Variants in ACTC1 observed in about 807,000 individuals in gnomAD.
ACTC1 encodes the protein actin alpha cardiac muscle 1.
A neutral mutation model predicts 31.6 loss-of-function variants in ACTC1; 10 were observed. The ratio of observed to expected loss-of-function variants is 0.32; its 90% confidence interval spans 0.19 to 0.54. ACTC1 has a LOEUF of 0.54. ACTC1 is among the 20% of genes least tolerant of loss of function. ACTC1 has a pLI of 0.95. For synonymous variants in ACTC1, 196 were observed against 185.0 expected (o/e 1.06, Z -0.48); for missense variants, 129 against 506.4 (o/e 0.25, Z 7.15).
Position 34,792,777 on chromosome 15 carries a change from T to C in ACTC1, c.455-208A>G, listed in dbSNP as rs1293084336. 1 of 605,872 alleles carries C rather than the reference T, an allele frequency of 1.7e-6. No individual in the cohort carries two copies. The highest frequency in any genetic ancestry group is 2.9e-6 in the Non-Finnish European group (1 of 346,836). The allele number at this position is 605,872 out of a possible 1,614,324, so 37.5% of individuals were successfully genotyped here. On this transcript the variant is annotated intron_variant, in intron 3 of 6. Transcript: ENST00000290378. The surrounding 1 kb of genome is among the most constrained non-coding windows in gnomAD (Gnocchi z 5.3). ...AAACTGCAGCTCATCTTTTTAACTA[T>C]TATAGTAGAAAAAATTCCCGAGGAC...
chr15:34,795,126 C>T (rs1301628483), intron 1 of ACTC1, among the ~76,000 whole-genome samples: 1 of 152,038 alleles, frequency 6.6e-6, no homozygotes, highest in East Asian at 1.9e-4. Context: ...TTAGTCCTCC[C>T]CAGCCCTTTA....
At chr15:34,794,490 G>A (rs967659264) in intron 2 of ACTC1, among the ~76,000 whole-genome samples, 190 bp downstream of exon 2, 1 of 152,206 alleles carries the variant, frequency 6.6e-6, no homozygotes, top group South Asian at 2.1e-4. Flanking sequence ...GTGCCACTCA[G>A]GTGTACATTC....
rs762048029 is a variant in ACTC1 at position 34,793,589 on chromosome 15, G to A, written c.130-20C>T. On this transcript the variant is annotated intron_variant, in intron 2 of 6. Transcript: ENST00000290378. The surrounding 1 kb of genome is among the most constrained non-coding windows in gnomAD (Gnocchi z 4.8). ...AACTCCCTATGAGAAGAAAAAATGA[G>A]AAAATCATGCTCTCACCATGTCAGG... 1 of 1,607,460 alleles carries A rather than the reference G, an allele frequency of 6.2e-7. No homozygotes were observed. Among genetic ancestry groups the A allele is most frequent in the East Asian group, 2.2e-5 (1 of 44,822 alleles).
Position 34,794,708 on chromosome 15 carries a change from G to A in ACTC1, c.101C>T (p.Pro34Leu), listed in dbSNP as rs1373760624. The change falls in exon 2 of 7, where the codon CCG becomes CTG. Residue 34 changes from proline to leucine, a missense_variant. By Grantham distance (98) the Pro-to-Leu change is moderately conservative (BLOSUM62 -3). Transcript: ENST00000290378. Reference protein sequence around the residue: ...AGDDAPRAVFPSIVGRPRHQG... With the variant: ...AGDDAPRAVFLSIVGRPRHQG... Reference sequence around the variant, plus strand: ...GTGCCGCGGGCGGCCCACGATGGACGGGAAGACAGCGCGGGGCGCGTCATC... The same window carrying A: ...GTGCCGCGGGCGGCCCACGATGGACAGGAAGACAGCGCGGGGCGCGTCATC... 2 of 1,612,898 alleles carry A rather than the reference G, an allele frequency of 1.2e-6. No homozygotes were observed. The highest frequency in any genetic ancestry group is 1.7e-6 in the Non-Finnish European group (2 of 1,179,624).
chr15:34,791,511 G>T (rs138374537), intron 5 of ACTC1, among the ~76,000 whole-genome samples: 32 of 152,266 alleles, frequency 2.1e-4, no homozygotes, highest in African/African-American at 7.7e-4. Context: ...TGCCAAGAAA[G>T]GAGCAACTGT....
chr15:34,795,012 G>A (rs1171718135), intron 1 of ACTC1, among the ~76,000 whole-genome samples, 182 bp from the exon 2 acceptor site: 1 of 152,188 alleles, frequency 6.6e-6, no homozygotes, highest in Non-Finnish European at 1.5e-5. Flanking sequence ...AAGCCGCGGA[G>A]GAGACTGGGG....
rs145050508 is a variant in ACTC1, at chr15:34,792,988, C to T, written c.454+257G>A. On this transcript the variant is annotated intron_variant, in intron 3 of 6. Transcript: ENST00000290378. The surrounding 1 kb of genome is among the most constrained non-coding windows in gnomAD (Gnocchi z 5.3). ...TGGTTTAAACACATAACAATGACTGCTGCACTCCAAGCTGCTACACTGCGC... is the reference window on the plus strand; with the variant it reads ...TGGTTTAAACACATAACAATGACTGTTGCACTCCAAGCTGCTACACTGCGC... 9.3e-5 allele frequency: 52 copies of T among 560,954 alleles called. No homozygotes were observed. The highest frequency in any genetic ancestry group is 8.7e-4 in the African/African-American group (46 of 53,118). The allele number at this position is 560,954 out of a possible 1,614,324, so 34.7% of individuals were successfully genotyped here.
rs1891683495 is a variant in ACTC1, at chr15:34,790,573, A to C, written c.991-18T>G. ...GCAATAATCTGCAGAAAGAAAACAAAAACTTCCAGTGAACTCTGAAGTTCC... is the reference window on the plus strand; with the variant it reads ...GCAATAATCTGCAGAAAGAAAACAACAACTTCCAGTGAACTCTGAAGTTCC... On this transcript the variant is annotated intron_variant, in intron 6 of 6. Transcript: ENST00000290378. The C allele has an allele frequency of 2.5e-6, 4 of 1,614,006 alleles. No homozygotes were observed. Among genetic ancestry groups the C allele is most frequent in the Non-Finnish European group, 3.4e-6 (4 of 1,179,932 alleles).
chr15:34,795,158 T>C (rs1383433009), intron 1 of ACTC1, among the ~76,000 whole-genome samples: 1 of 151,800 alleles, frequency 6.6e-6, no homozygotes, highest in East Asian at 1.9e-4. Flanking sequence ...TTTCACGAAC[T>C]GGGAACTCGA....
intron 5 of ACTC1, among the ~76,000 whole-genome samples, chr15:34,791,499 A>T (rs1421902508): frequency 6.6e-6 from 1 of 152,170 alleles, no homozygotes; most frequent in Non-Finnish European, 1.5e-5. Flanking sequence ...TCCACAATAC[A>T]ATGCCAAGAA....
rs778572289 is a variant in ACTC1 at position 34,794,737 on chromosome 15, C to T, written c.72G>A (p.Ala24=). The part of the protein sequence containing the change: ...NGSGLVKAGF[A]GDDAPRAVFP... ...AGACAGCGCGGGGCGCGTCATCGCC[C>T]GCAAAGCCGGCCTTCACCAGCCCAG... Residue 24 remains alanine (A), a synonymous_variant, in exon 2 of 7, where the codon GCG becomes GCA. Coordinates refer to ENST00000290378, the MANE Select transcript of ACTC1 (RefSeq NM_005159.5). The T allele has an allele frequency of 5.6e-6, 9 of 1,613,478 alleles. No homozygotes were observed. The highest frequency in any genetic ancestry group is 3.3e-5 in the South Asian group (3 of 91,050).
chr15:34,791,037 G>T, intron 6 of ACTC1, 77 bp downstream of exon 6: 1 of 1,383,898 alleles, frequency 7.2e-7, no homozygotes, highest in Non-Finnish European at 9.9e-7. Context: ...GAGTATGAGG[G>T]AAAAGGAATT....
In ACTC1 at chr15:34,791,302, A is replaced by C; in HGVS notation, c.809-7T>G. ...ATGCCAGCAGATTCCATACCTGGGA[A>C]CGAGTCACACACACACACACACACA... On this transcript the variant is annotated splice_polypyrimidine_tract_variant and splice_region_variant and intron_variant, in intron 5 of 6. Coordinates refer to ENST00000290378, the MANE Select transcript of ACTC1 (RefSeq NM_005159.5). The C allele has an allele frequency of 7.5e-7, 1 of 1,340,574 alleles. No homozygotes were observed. Among genetic ancestry groups the C allele is most frequent in the Non-Finnish European group, 1.0e-6 (1 of 963,370 alleles). The allele number at this position is 1,340,574 out of a possible 1,614,324, so 83.0% of individuals were successfully genotyped here. A position where few individuals can be genotyped will look rare whatever the true frequency, so the allele number is the denominator to read the frequency against.
At chr15:34,791,678 T>C (rs1891710652) in intron 5 of ACTC1, 1 of 340,224 alleles carries the variant, frequency 2.9e-6, no homozygotes, top group Non-Finnish European at 5.5e-6. Context: ...AAAGCATTGC[T>C]TAGGAAGGAT....
At position 34,794,785 on chromosome 15, in the gene ACTC1, G is replaced by T. The variant is rs1595762044; in HGVS notation, c.24C>A (p.Thr8=). MCDDEET[T]ALVCDNGSGL... ...CAGAGCCGTTGTCGCACACCAGGGCGGTGGTCTCCTCGTCGTCACACATCT... is the reference window on the plus strand; with the variant it reads ...CAGAGCCGTTGTCGCACACCAGGGCTGTGGTCTCCTCGTCGTCACACATCT... Residue 8 remains threonine (T), a synonymous_variant, in exon 2 of 7, where the codon ACC becomes ACA. Coordinates refer to ENST00000290378, the MANE Select transcript of ACTC1 (RefSeq NM_005159.5). 6.2e-7 allele frequency: 1 copy of T among 1,613,620 alleles called. No homozygotes were observed. Among genetic ancestry groups the T allele is most frequent in the African/African-American group, 1.3e-5 (1 of 75,068 alleles).
At chr15:34,794,968 C>T in intron 1 of ACTC1, 138 bp from the exon 2 acceptor site, 1 of 854,062 alleles carries the variant, frequency 1.2e-6, no homozygotes. Context: ...CTCCTGCCAC[C>T]TCCCTTCCCC....
In ACTC1 at chr15:34,791,108, C is replaced by G. The variant is rs749154513; in HGVS notation, c.990+6G>C. ...CTCGGATCTCCCACTCACAAAAGTT[C>G]TTTACCTTAATCTTCATGGTGCTAG... On this transcript the variant is annotated splice_donor_region_variant and intron_variant, in intron 6 of 6. Coordinates refer to ENST00000290378, the MANE Select transcript of ACTC1 (RefSeq NM_005159.5). 22 of 1,588,650 alleles carry G rather than the reference C, an allele frequency of 1.4e-5. No individual in the cohort carries two copies. In the South Asian group the frequency reaches 2.5e-4, roughly 18 times the overall value.
At position 34,793,106 on chromosome 15, in the gene ACTC1, C is replaced by G; in HGVS notation, c.454+139G>C. 1.2e-6 allele frequency: 1 copy of G among 868,960 alleles called. No homozygotes were observed. Among genetic ancestry groups the G allele is most frequent in the Non-Finnish European group, 1.8e-6 (1 of 553,782 alleles). The allele number at this position is 868,960 out of a possible 1,614,324, so 53.8% of individuals were successfully genotyped here. On this transcript the variant is annotated intron_variant, in intron 3 of 6. Coordinates refer to ENST00000290378, the MANE Select transcript of ACTC1 (RefSeq NM_005159.5). The surrounding 1 kb of genome is among the most constrained non-coding windows in gnomAD (Gnocchi z 4.8). ...ACTAACCTCAGGGCACTACTGTTAA[C>G]TCTTTCTCTTAGCACAGACCTTGCT...
At chr15:34,794,274 G>A (rs775894409) in intron 2 of ACTC1, among the ~76,000 whole-genome samples, 2 of 152,260 alleles carry the variant, frequency 1.3e-5, no homozygotes, top group Non-Finnish European at 2.9e-5. Context: ...AACTGGCTGT[G>A]AACATGAGAG....
Sources: allele counts gnomAD v4.1 joint callset (sites outside exome capture counted in the v4.1 genomes callset), GRCh38; gene constraint gnomAD v4.1.1; non-coding constraint Gnocchi (gnomAD v3.1); transcripts MANE v1.5; gene names NCBI Gene and HGNC (gene_info 2026-07-23, HGNC 2026-07-21).